SUMF1: variants seen among roughly 807,000 people sequenced by gnomAD.
SUMF1 encodes the protein sulfatase modifying factor 1, also known as formylglycine-generating enzyme.
Under a neutral mutation model 47.6 loss-of-function variants are expected in SUMF1, and 48 were observed. The ratio of observed to expected loss-of-function variants is 1.01; its 90% CI spans 0.80 to 1.28. SUMF1 has a LOEUF of 1.28. SUMF1 is among the 50% of genes most tolerant of loss of function. SUMF1 has a pLI of 0.00. For missense variants in SUMF1, 571 were observed against 485.4 expected, an observed-to-expected ratio of 1.18 and a Z score of -1.66; for synonymous variants, 230 against 192.1, an observed-to-expected ratio of 1.20 and a Z score of -1.63.
chr3:4,112,760 TTTC>T (rs1559481354), intron 8 of SUMF1, among the ~76,000 whole-genome samples: 1 of 152,086 alleles, frequency 6.6e-6, no homozygotes, highest in Non-Finnish European at 1.5e-5. Flanking sequence ...AAACTTGAGA[TTTC>T]TTCTTATCCC....
At chr3:4,324,288 GA>G (rs1479802279) in intron 8 of SUMF1, among the ~76,000 whole-genome samples, 5 of 152,208 alleles carry the variant, frequency 3.3e-5, no homozygotes, top group Admixed American at 1.3e-4. Flanking sequence ...ATTGTTAATA[GA>G]ATACCAACTA....
intron 8 of SUMF1, among the ~76,000 whole-genome samples, chr3:4,124,699 G>A (rs1693616220): frequency 6.6e-6 from 1 of 151,790 alleles, no homozygotes. Context: ...ATTATCTTTG[G>A]CTTTCATGAC....
At chr3:4,201,331 C>G (rs112161371) in intron 8 of SUMF1, among the ~76,000 whole-genome samples, 1 of 152,056 alleles carries the variant, frequency 6.6e-6, no homozygotes, top group Non-Finnish European at 1.5e-5. Flanking sequence ...TTCTACTACT[C>G]TCTATCTCCA....
At chr3:4,168,404 G>A (rs917924045) in intron 8 of SUMF1, among the ~76,000 whole-genome samples, 33 of 152,146 alleles carry the variant, frequency 2.2e-4, no homozygotes, top group African/African-American at 7.0e-4. Flanking sequence ...ATAATGTGAT[G>A]AGAGATGAAC....
Position 4,239,630 on chromosome 3 carries a change from G to A in SUMF1, c.1014+136700C>T, listed in dbSNP as rs1696492673. Among the ~76,000 whole-genome samples the A allele has an allele frequency of 2.0e-5, 3 of 152,158 alleles. No individual in the cohort carries two copies. In the South Asian group the frequency reaches 6.2e-4, roughly 32 times the overall value. ...TCTGCACATTGATTTTGTATCCTGAGACTTTGCTGAAGTTGCTTATTAGCT... is the reference window on the plus strand; with the variant it reads ...TCTGCACATTGATTTTGTATCCTGAAACTTTGCTGAAGTTGCTTATTAGCT... On this transcript the variant is annotated intron_variant and NMD_transcript_variant, in intron 8 of 12. Transcript: ENST00000448413.
chr3:4,328,061 A>AT (rs1177051874), intron 8 of SUMF1, among the ~76,000 whole-genome samples: 1 of 152,010 alleles, frequency 6.6e-6, no homozygotes, highest in African/African-American at 2.4e-5. Context: ...ACAAAAAAAA[A>AT]TTAAAAATTA....
chr3:4,369,776 C>T (rs1345524357), intron 8 of SUMF1, among the ~76,000 whole-genome samples: 2 of 152,150 alleles, frequency 1.3e-5, no homozygotes, highest in Non-Finnish European at 2.9e-5. Context: ...CTACTTCTAA[C>T]AAGCTTCTAG....
rs148208821 is a variant in SUMF1, at chr3:4,450,882, A to G, written c.445-1542T>C. Among the ~76,000 whole-genome samples the G allele has an allele frequency of 3.9e-4, 59 of 152,228 alleles. No individual in the cohort carries two copies. In the East Asian group the frequency reaches 0.011, roughly 27 times the overall value. On this transcript the variant is annotated intron_variant, in intron 2 of 8. Coordinates refer to ENST00000272902, the MANE Select transcript of SUMF1 (RefSeq NM_182760.4). Reference sequence around the variant, plus strand: ...AGAATGTTGAGTTTTCAAGGAATAGAAACAAAACCAGCAGGGCTAGAACAT... The same window carrying G: ...AGAATGTTGAGTTTTCAAGGAATAGGAACAAAACCAGCAGGGCTAGAACAT...
At chr3:4,092,768 T>G (rs762531122) in intron 8 of SUMF1, among the ~76,000 whole-genome samples, 1 of 151,704 alleles carries the variant, frequency 6.6e-6, no homozygotes, top group Non-Finnish European at 1.5e-5. Flanking sequence ...CTAGAGAGAG[T>G]CAAAGAATTG....
intron 8 of SUMF1, among the ~76,000 whole-genome samples, chr3:4,331,237 C>A (rs1190732943): frequency 6.7e-6 from 1 of 149,314 alleles, no homozygotes; most frequent in South Asian, 2.1e-4. Flanking sequence ...AAAAAAAAAC[C>A]TTTAAACTAG....
chr3:4,104,738 T>A (rs1461264399), intron 8 of SUMF1, among the ~76,000 whole-genome samples: 1 of 151,924 alleles, frequency 6.6e-6, no homozygotes, highest in Non-Finnish European at 1.5e-5. Context: ...TTCTCCAATG[T>A]AATAATTTTT....
intron 6 of SUMF1, among the ~76,000 whole-genome samples, chr3:4,416,179 T>C (rs889433119): frequency 1.3e-5 from 2 of 152,190 alleles, no homozygotes; most frequent in African/African-American, 4.8e-5. Context: ...TTTGGCCATA[T>C]ATCTGAAACT....
At chr3:4,416,005 G>C (rs563264495) in intron 6 of SUMF1, among the ~76,000 whole-genome samples, 3 of 152,212 alleles carry the variant, frequency 2.0e-5, no homozygotes, top group African/African-American at 4.8e-5. Context: ...AATTTCTGTT[G>C]TTTACAAATT....
At chr3:4,317,997 G>A (rs1394173130) in intron 8 of SUMF1, among the ~76,000 whole-genome samples, 1 of 152,134 alleles carries the variant, frequency 6.6e-6, no homozygotes, top group African/African-American at 2.4e-5. Context: ...AGAAGGGTTA[G>A]AGCTGAGCAA....
downstream of SUMF1, among the ~76,000 whole-genome samples, chr3:4,356,566 A>G (rs1575124957): frequency 6.7e-6 from 1 of 148,428 alleles, no homozygotes; most frequent in East Asian, 2.0e-4. Flanking sequence ...CTCTTCAGAA[A>G]TAAATACATA....
At chr3:4,313,369 G>C (rs1476632351) in intron 8 of SUMF1, 1 of 1,613,932 alleles carries the variant, frequency 6.2e-7, no homozygotes, top group Admixed American at 1.7e-5. Context: ...GGAAACATTT[G>C]TTGACCCTAC....
At chr3:4,332,242 T>A (rs906460662) in intron 8 of SUMF1, among the ~76,000 whole-genome samples, 2 of 152,174 alleles carry the variant, frequency 1.3e-5, no homozygotes, top group Admixed American at 1.3e-4. Flanking sequence ...TTTATAAGAT[T>A]CTTCATTTGC....
At chr3:4,407,354 A>T (rs1415760932) in intron 7 of SUMF1, among the ~76,000 whole-genome samples, 1 of 152,232 alleles carries the variant, frequency 6.6e-6, no homozygotes, top group Admixed American at 6.5e-5. Context: ...AAGCTTTAAA[A>T]TTATTTGCCA....
At chr3:4,182,507 G>C (rs1027648067) in intron 8 of SUMF1, among the ~76,000 whole-genome samples, 5 of 151,792 alleles carry the variant, frequency 3.3e-5, no homozygotes, top group African/African-American at 9.7e-5. Flanking sequence ...GTAAAACGTA[G>C]AACTTCAGAC....
Sources: gnomAD v4.1 joint callset for allele counts (sites outside exome capture counted in the v4.1 genomes callset) on GRCh38, gnomAD v4.1.1 for gene constraint, MANE v1.5 for transcripts, NCBI Gene and HGNC (gene_info 2026-07-23, HGNC 2026-07-21) for gene names.